The following CNKSR1 variants were observed in gnomAD, a reference collection of about 807,000 sequenced individuals.
The protein encoded by CNKSR1 is connector enhancer of kinase suppressor of Ras 1, also known as CNK homolog protein 1.
A neutral mutation model predicts 95.6 loss-of-function variants in CNKSR1; 88 were observed. The ratio of observed to expected loss-of-function variants is 0.92; its 90% CI spans 0.78 to 1.10. The LOEUF (loss-of-function observed/expected upper bound fraction) is 1.10, where lower values mean the gene tolerates loss of function less well. Ranked by LOEUF, CNKSR1 falls within the 50% of genes least tolerant of loss-of-function variation. The pLI is 0.00. For synonymous variants in CNKSR1, 355 were observed against 369.7 expected (o/e 0.96, Z 0.46); for missense variants, 836 against 912.0 (o/e 0.92, Z 1.07).
chr1:26,184,183 G>A (rs1334883925), intron 10 of CNKSR1, 31 bp from the exon 11 acceptor site: 1 of 1,612,026 alleles, frequency 6.2e-7, no homozygotes, highest in Admixed American at 1.7e-5. Context: ...GGGAGACCGT[G>A]GGCTCATCTC....
At chr1:26,182,429 G>T (rs1407202969) in intron 5 of CNKSR1, 27 bp downstream of exon 5, 5 of 1,613,926 alleles carry the variant, frequency 3.1e-6, no homozygotes, top group South Asian at 1.1e-5. Flanking sequence ...GGAAGAGAGT[G>T]GGGGTAGGGG....
rs2088713756 is a variant in CNKSR1, at chr1:26,184,604, A to C, written c.1127A>C (p.Lys376Thr). 6 of 1,605,082 alleles carry C rather than the reference A, an allele frequency of 3.7e-6. No individual in the cohort carries two copies. The highest frequency in any genetic ancestry group is 5.1e-6 in the Non-Finnish European group (6 of 1,176,150). The change falls in exon 13 of 21, where the codon AAA (lysine) becomes ACA (threonine). Residue 376 changes from lysine to threonine, a missense_variant. Lys to Thr is a moderately conservative substitution (Grantham distance 78). Transcript: ENST00000361530. The part of the protein sequence containing the change: ...SPDKSPVGRK[K>T]SKGLATRLSR... ...TTTCAGAGTCCTGTTGGTCGGAAGA[A>C]ATCAAAAGGTATGAGGTGCGCTGGA...
Position 26,189,282 on chromosome 1 carries a change from A to G in CNKSR1, c.1876A>G (p.Lys626Glu). ...TTAGCCCCTCCTCTCCACACAGGCA[A>G]AGCTGCAGGAGCTGCAGGTCCTAGA... ...VRALQSTLKA[K>E]LQELQVLEEV... Residue 626 changes from lysine (K) to glutamate (E), a missense_variant, in exon 21 of 21, where the codon AAG (lysine) becomes GAG (glutamate). Lys to Glu is a moderately conservative substitution (Grantham distance 56, BLOSUM62 1). Coordinates refer to ENST00000361530, the MANE Select transcript of CNKSR1 (RefSeq NM_006314.3). 6.2e-7 allele frequency: 1 copy of G among 1,614,110 alleles called. No homozygotes were observed. Among genetic ancestry groups the G allele is most frequent in the Non-Finnish European group, 8.5e-7 (1 of 1,180,034 alleles).
At chr1:26,187,591 G>A in intron 16 of CNKSR1, 109 bp downstream of exon 16, 1 of 1,033,348 alleles carries the variant, frequency 9.7e-7, no homozygotes. Flanking sequence ...CTCTGAGAGT[G>A]GTTGGTCAAG....
At chr1:26,188,372 G>C in intron 17 of CNKSR1, 65 bp downstream of exon 17, 1 of 1,609,924 alleles carries the variant, frequency 6.2e-7, no homozygotes, top group Non-Finnish European at 8.5e-7. Context: ...CCTGGGATGG[G>C]GGCTAGGAAC....
intron 4 of CNKSR1, 172 bp from the exon 5 acceptor site, chr1:26,182,189 C>A: frequency 1.4e-6 from 1 of 732,870 alleles, no homozygotes; most frequent in African/African-American, 1.8e-5. Flanking sequence ...GGCCTGGTAT[C>A]AGGGAAACGA....
Position 26,183,255 on chromosome 1 carries a change from A to G in CNKSR1, c.683A>G (p.Gln228Arg), listed in dbSNP as rs2088676953. The G allele has an allele frequency of 6.2e-7, 1 of 1,614,174 alleles. No individual in the cohort carries two copies. The highest frequency in any genetic ancestry group is 1.1e-5 in the South Asian group (1 of 91,088). Residue 228 changes from glutamine (Q) to arginine (R), a missense_variant and splice_region_variant, in exon 7 of 21, where the codon CAG becomes CGG. Gln to Arg is a conservative substitution (Grantham distance 43). Transcript: ENST00000361530. ...CACTTTGTGTCCCAAGTGGACACCC[A>G]GGTGAGAGCCCCACACCCTTCTCAG... ...CQHFVSQVDT[Q>R]VPTDSRLQIQ... is the part of the protein sequence containing the mutation.
At chr1:26,187,031 C>T in intron 14 of CNKSR1, 137 bp from the exon 15 acceptor site, 1 of 721,270 alleles carries the variant, frequency 1.4e-6, no homozygotes, top group Non-Finnish European at 2.5e-6. Flanking sequence ...GCTCCAGAAA[C>T]AGAGAGACTT....
Position 26,188,961 on chromosome 1 carries a change from G to T in CNKSR1, c.1872+8G>T, listed in dbSNP as rs1274003976. 3 of 1,612,372 alleles carry T rather than the reference G, an allele frequency of 1.9e-6. No individual in the cohort carries two copies. The highest frequency in any genetic ancestry group is 2.5e-6 in the Non-Finnish European group (3 of 1,179,222). On this transcript the variant is annotated splice_region_variant and intron_variant, in intron 20 of 20. Transcript: ENST00000361530. ...CTACAGAGCACACTCAAGGTCAGCT[G>T]GGGGGCTCTGGGCACAGCAAGGGAC...
At chr1:26,183,988 T>A in intron 9 of CNKSR1, 83 bp from the exon 10 acceptor site, 1 of 670,620 alleles carries the variant, frequency 1.5e-6, no homozygotes, top group Non-Finnish European at 2.6e-6. Flanking sequence ...AGGTACCTGC[T>A]CCTGCTGCTC....
chr1:26,189,691 C>T lies in CNKSR1; in HGVS notation c.*143C>T. 1 of 761,496 alleles carries T rather than the reference C, an allele frequency of 1.3e-6. No homozygotes were observed. The highest frequency in any genetic ancestry group is 2.4e-6 in the Non-Finnish European group (1 of 414,346). 47.2% of individuals were successfully genotyped at this position (761,496 alleles called of 1,614,324 possible). On this transcript the variant is annotated 3_prime_UTR_variant, in exon 21 of 21. Transcript: ENST00000361530. Reference sequence around the variant, plus strand: ...AGTCATGGTCTCACCCCGAGCTGACCCCTCTGCCTGGGCTTTGTGCCACCC... The same window carrying T: ...AGTCATGGTCTCACCCCGAGCTGACTCCTCTGCCTGGGCTTTGTGCCACCC...
intron 1 of CNKSR1, among the ~76,000 whole-genome samples, chr1:26,178,661 C>G (rs2088599172): frequency 6.6e-6 from 1 of 152,160 alleles, no homozygotes; most frequent in South Asian, 2.1e-4. Flanking sequence ...GGATTCCAGG[C>G]CCACCCCCAC....
Position 26,188,609 on chromosome 1 carries a change from T to G in CNKSR1, c.1602T>G (p.Ala534=). The G allele has an allele frequency of 1.9e-6, 3 of 1,613,614 alleles. No individual in the cohort carries two copies. The highest frequency in any genetic ancestry group is 2.5e-6 in the Non-Finnish European group (3 of 1,179,830). ...CACCCTGCCTGCAGCCCAGCCCTGC[T>G]CAAGCTGGGAGTCCCCTCCATGGAG... ...AGSHSASPSP[A]QAGSPLHGDT... Residue 534 remains alanine, a synonymous_variant, in exon 19 of 21, where the codon GCT becomes GCG. Coordinates refer to ENST00000361530, the MANE Select transcript of CNKSR1 (RefSeq NM_006314.3).
At position 26,188,953 on chromosome 1, in the gene CNKSR1, G is replaced by A; in HGVS notation, c.1872G>A (p.Lys624=). The A allele has an allele frequency of 6.2e-7, 1 of 1,612,932 alleles. No individual in the cohort carries two copies. The highest frequency in any genetic ancestry group is 1.1e-5 in the South Asian group (1 of 91,054). The change falls in exon 20 of 21, where the codon AAG becomes AAA. Residue 624 remains lysine, a splice_region_variant and synonymous_variant. Transcript: ENST00000361530. ...HRVRALQSTL[K]AKLQELQVLE... is the part of the protein sequence containing the mutation. ...TGCGGGCGCTACAGAGCACACTCAA[G>A]GTCAGCTGGGGGGCTCTGGGCACAG...
Position 26,189,764 on chromosome 1 carries a change from G to A in CNKSR1, c.*216G>A, listed in dbSNP as rs531116922. The A allele has an allele frequency of 6.2e-5, 43 of 697,962 alleles. No individual in the cohort carries two copies. The African/African-American group carries it at 7.3e-4, about 12-fold the overall frequency. The allele number at this position is 697,962 out of a possible 1,614,324, so 43.2% of individuals were successfully genotyped here. On this transcript the variant is annotated 3_prime_UTR_variant, in exon 21 of 21. Transcript: ENST00000361530. Reference sequence around the variant, plus strand: ...TCTCCCCCCAAATCCTCCAACCTCTGGGGCCACAGCCCTGCCCCTCCAGTT... The same window carrying A: ...TCTCCCCCCAAATCCTCCAACCTCTAGGGCCACAGCCCTGCCCCTCCAGTT...
intron 6 of CNKSR1, 52 bp from the exon 7 acceptor site, chr1:26,183,136 GTCCTGCCTA>G: frequency 6.6e-7 from 1 of 1,523,328 alleles, no homozygotes; most frequent in Non-Finnish European, 9.1e-7. Flanking sequence ...TCTGGCGGGG[GTCCTGCCTA>G]TTGGCCCTGT....
At chr1:26,183,899 C>T (rs1250626493) in intron 9 of CNKSR1, 69 bp downstream of exon 9, 22 of 542,452 alleles carry the variant, frequency 4.1e-5, no homozygotes, top group Non-Finnish European at 6.7e-5. Context: ...CCCCCACCAC[C>T]CCCACACCTG....
At chr1:26,187,914 C>T (rs2088783902) in intron 16 of CNKSR1, among the ~76,000 whole-genome samples, 1 of 152,108 alleles carries the variant, frequency 6.6e-6, no homozygotes. Flanking sequence ...AGCCACTGCA[C>T]CCGGCATCTC....
At chr1:26,178,045 T>C (rs114519622) in intron 1 of CNKSR1, among the ~76,000 whole-genome samples, 1,715 of 152,176 alleles carry the variant, frequency 0.011, 40 homozygotes, top group African/African-American at 0.04. Flanking sequence ...GCACCTAACA[T>C]GTTCCAGGAA....
Sources: gnomAD v4.1 joint callset for allele counts (sites outside exome capture counted in the v4.1 genomes callset) on GRCh38, gnomAD v4.1.1 for gene constraint, MANE v1.5 for transcripts, NCBI Gene and HGNC (gene_info 2026-07-23, HGNC 2026-07-21) for gene names.